The following TRIP12 variants were observed in gnomAD, a reference collection of about 807,000 sequenced individuals.
TRIP12 encodes E3 ubiquitin-protein ligase TRIP12.
In TRIP12, 25 loss-of-function variants were observed where a neutral mutation model predicts 244.2. The ratio of observed to expected loss-of-function variants is 0.10; its 90% CI spans 0.07 to 0.14. The LOEUF is 0.14. TRIP12 is among the 10% of genes least tolerant of loss of function. TRIP12 has a pLI of 1.00. For synonymous variants in TRIP12, 905 were observed against 873.1 expected, an observed-to-expected ratio of 1.04 and a Z score of -0.64; for missense variants, 1,677 against 2,486.4, an observed-to-expected ratio of 0.67 and a Z score of 6.92.
chr2:229,856,750 A>G (rs1209463316), intron 4 of TRIP12, among the ~76,000 whole-genome samples: 1 of 152,256 alleles, frequency 6.6e-6, no homozygotes, highest in Non-Finnish European at 1.5e-5. Context: ...TGTAACTCCA[A>G]TTATCAATAA....
intron 34 of TRIP12, 66 bp from the exon 35 acceptor site, chr2:229,779,056 T>G: frequency 1.5e-6 from 2 of 1,314,162 alleles, no homozygotes; most frequent in Non-Finnish European, 2.2e-6. Flanking sequence ...TGCCAACCTC[T>G]TGGAAATGTG....
At chr2:229,909,186 T>C (rs2073728527) in intron 1 of TRIP12, among the ~76,000 whole-genome samples, 2 of 152,078 alleles carry the variant, frequency 1.3e-5, no homozygotes, top group South Asian at 4.1e-4. Flanking sequence ...CTACATTTTA[T>C]ATATCTTTAT....
chr2:229,858,747 G>T, intron 4 of TRIP12, 25 bp downstream of exon 4: 1 of 1,538,980 alleles, frequency 6.5e-7, no homozygotes. Context: ...TTTAATTAAA[G>T]AAAAATACCT....
chr2:229,839,738 G>C (rs998120121), intron 5 of TRIP12, among the ~76,000 whole-genome samples: 1 of 151,748 alleles, frequency 6.6e-6, no homozygotes, highest in African/African-American at 2.4e-5. Context: ...CTCATATATA[G>C]CTACTGAATA....
At chr2:229,836,668 T>G (rs1279558095) in intron 6 of TRIP12, among the ~76,000 whole-genome samples, 180 bp downstream of exon 6, 1 of 152,146 alleles carries the variant, frequency 6.6e-6, no homozygotes, top group Non-Finnish European at 1.5e-5. Context: ...TAGAGCAAAT[T>G]TGGATGAGAA....
Position 229,796,693 on chromosome 2 carries a change from A to AGGG in TRIP12, c.3713_3714insCCC (p.Phe1238_Val1239insPro). 6.2e-7 allele frequency: 1 copy of AGGG among 1,612,822 alleles called. No individual in the cohort carries two copies. The highest frequency in any genetic ancestry group is 8.5e-7 in the Non-Finnish European group (1 of 1,179,716). ...TCAAATAAAGCAACAGCTGCTTCAC[A>AGGG]AATCCACTATGTTGGATTTCAAATG... On this transcript the variant is annotated inframe_insertion, in exon 25 of 42. Transcript: ENST00000675903.
intron 4 of TRIP12, 124 bp from the exon 5 acceptor site, chr2:229,841,051 G>A (rs1017483641): frequency 2.9e-6 from 2 of 681,078 alleles, no homozygotes; most frequent in Admixed American, 6.2e-5. Context: ...CTCTCCAGCA[G>A]TATTACTAGC....
At chr2:229,841,323 A>G (rs1416656620) in intron 4 of TRIP12, among the ~76,000 whole-genome samples, 1 of 152,204 alleles carries the variant, frequency 6.6e-6, no homozygotes, top group Non-Finnish European at 1.5e-5. Context: ...ATATTGTCCC[A>G]TTTCAGTTAG....
At chr2:229,860,115 A>T in intron 3 of TRIP12, among the ~76,000 whole-genome samples, 1 of 152,208 alleles carries the variant, frequency 6.6e-6, no homozygotes, top group East Asian at 1.9e-4. Flanking sequence ...ACTAAAAAAA[A>T]GATTAAAAAA....
upstream of TRIP12, among the ~76,000 whole-genome samples, chr2:229,922,889 GT>G (rs2076802094): frequency 6.6e-6 from 1 of 152,192 alleles, no homozygotes; most frequent in Non-Finnish European, 1.5e-5. Context: ...TACCCGTAGA[GT>G]TTCCTCCGCG....
intron 11 of TRIP12, 147 bp downstream of exon 11, chr2:229,814,952 C>T: frequency 1.7e-6 from 1 of 594,454 alleles, no homozygotes; most frequent in Non-Finnish European, 2.9e-6. Flanking sequence ...GATTTATCTT[C>T]ACCTTCAAAC....
intron 2 of TRIP12, among the ~76,000 whole-genome samples, chr2:229,873,826 T>C (rs2063119543): frequency 6.6e-6 from 1 of 152,158 alleles, no homozygotes; most frequent in African/African-American, 2.4e-5. Flanking sequence ...ATTAAAACTT[T>C]GCAGGCAAAT....
At chr2:229,781,573 G>A (rs2038179657) in intron 34 of TRIP12, among the ~76,000 whole-genome samples, 1 of 152,160 alleles carries the variant, frequency 6.6e-6, no homozygotes, top group Admixed American at 6.5e-5. Flanking sequence ...ATTCCCAAAA[G>A]GATACTGGGT....
rs774471754 is a variant in TRIP12, at chr2:229,768,716, C to T, written c.5907G>A (p.Arg1969=). Residue 1969 remains arginine (R), a synonymous_variant, in exon 41 of 42, where the codon CGG becomes CGA. Coordinates refer to ENST00000675903, the MANE Select transcript of TRIP12 (RefSeq NM_001348323.3). ...RPDHGYTHDS[R]AVKFLFEILS... ...GAATCTCAAACAAAAACTTCACAGCCCGACTATAACAGAAATAAATATACC... is the reference window on the plus strand; with the variant it reads ...GAATCTCAAACAAAAACTTCACAGCTCGACTATAACAGAAATAAATATACC... The T allele has an allele frequency of 8.1e-6, 13 of 1,602,322 alleles. No homozygotes were observed. In the South Asian group the frequency reaches 1.5e-4, roughly 18 times the overall value.
intron 2 of TRIP12, among the ~76,000 whole-genome samples, chr2:229,861,039 T>C (rs1479496279): frequency 1.3e-5 from 2 of 152,192 alleles, no homozygotes; most frequent in East Asian, 3.8e-4. Context: ...ATTCTCAAAC[T>C]GATTTTACAC....
intron 33 of TRIP12, among the ~76,000 whole-genome samples, chr2:229,786,564 ATTTTT>A (rs34969936): frequency 1.9e-4 from 15 of 78,024 alleles, no homozygotes; most frequent in East Asian, 8.6e-4. Context: ...CGCCCAGATA[ATTTTT>A]TTTTTTTTTT....
intron 38 of TRIP12, 188 bp downstream of exon 38, chr2:229,773,907 GAC>G (rs1228330348): frequency 4.2e-6 from 2 of 472,344 alleles, no homozygotes; most frequent in African/African-American, 3.9e-5. Context: ...GGTTATATAA[GAC>G]AGGAAATATC....
intron 18 of TRIP12, 28 bp from the exon 19 acceptor site, chr2:229,804,255 C>G: frequency 6.4e-7 from 1 of 1,553,524 alleles, no homozygotes. Flanking sequence ...AATATATGTG[C>G]AATCCTGAAG....
At chr2:229,774,914 C>T (rs2035747949) in intron 37 of TRIP12, among the ~76,000 whole-genome samples, 1 of 151,584 alleles carries the variant, frequency 6.6e-6, no homozygotes, top group South Asian at 2.1e-4. Context: ...CTTTATTACT[C>T]ACTTTTTAAA....
Sources: allele counts gnomAD v4.1 joint callset (sites outside exome capture counted in the v4.1 genomes callset), GRCh38; gene constraint gnomAD v4.1.1; transcripts MANE v1.5; gene names NCBI Gene and HGNC (gene_info 2026-07-23, HGNC 2026-07-21).